Variants in DLG2 observed in about 807,000 individuals in gnomAD.
DLG2 encodes the protein disks large homolog 2.
DLG2 carries 45 observed loss-of-function variants against 132.5 expected under a neutral mutation model. The ratio of observed to expected loss-of-function variants is 0.34; its 90% CI spans 0.27 to 0.44. The LOEUF is 0.44. Ranked by LOEUF, DLG2 falls within the 20% of genes least tolerant of loss-of-function variation. DLG2 has a pLI of 1.00. For missense variants in DLG2, 1,045 were observed against 1,196.9 expected (o/e 0.87, Z 1.87); for synonymous variants, 424 against 419.6 (o/e 1.01, Z -0.13).
chr11:84,172,142 A>C (rs2095839321), intron 8 of DLG2, among the ~76,000 whole-genome samples: 1 of 152,204 alleles, frequency 6.6e-6, no homozygotes. Context: ...TAGTAAGCAA[A>C]AGATTTTCTG....
At chr11:85,548,439 G>A (rs1294210585) in intron 3 of DLG2, among the ~76,000 whole-genome samples, 19 of 152,194 alleles carry the variant, frequency 1.2e-4, no homozygotes, top group Non-Finnish European at 2.6e-4. Context: ...CTACTGGGAG[G>A]TGTCTCCCAG....
At chr11:84,602,183 T>C (rs185472696) in intron 6 of DLG2, among the ~76,000 whole-genome samples, 30 of 152,094 alleles carry the variant, frequency 2.0e-4, no homozygotes, top group Admixed American at 9.8e-4. Context: ...CAAATCTTAA[T>C]ATTTTCCTAG....
Position 84,810,782 on chromosome 11 carries a change from C to T in DLG2, c.358-276051G>A, listed in dbSNP as rs1289114295. Reference sequence around the variant, plus strand: ...AATAAAAAGTAACAGACTACTGATACACATATCTTAAATGAAATTCCAAAA... The same window carrying T: ...AATAAAAAGTAACAGACTACTGATATACATATCTTAAATGAAATTCCAAAA... On this transcript the variant is annotated intron_variant, in intron 6 of 27. Coordinates refer to ENST00000376104, the MANE Select transcript of DLG2 (RefSeq NM_001142699.3). 3.3e-5 allele frequency among the ~76,000 whole-genome samples: 5 copies of T among 152,072 alleles called. No homozygotes were observed. The South Asian group carries it at 6.2e-4, about 19-fold the overall frequency.
intron 18 of DLG2, among the ~76,000 whole-genome samples, chr11:83,717,333 G>T (rs1375376805): frequency 2.6e-5 from 4 of 152,030 alleles, no homozygotes; most frequent in Non-Finnish European, 1.5e-5. Flanking sequence ...TAACAGCAGG[G>T]AACCCATTTA....
Position 83,457,583 on chromosome 11 carries a change from T to C in DLG2, c.*2235A>G, listed in dbSNP as rs184860788. 6.5e-6 allele frequency: 1 copy of C among 152,674 alleles called. No individual in the cohort carries two copies. Among genetic ancestry groups the C allele is most frequent in the East Asian group, 1.9e-4 (1 of 5,182 alleles). The allele number at this position is 152,674 out of a possible 1,614,324, so 9.5% of individuals were successfully genotyped here. On this transcript the variant is annotated 3_prime_UTR_variant, in exon 28 of 28. Transcript: ENST00000376104. The stretch of plus-strand genomic sequence containing the variant: ...GCAACACTAGTAAATGGAAAGCACA[T>C]CACACGACCCGCGAAAACATCTACT...
intron 5 of DLG2, among the ~76,000 whole-genome samples, chr11:85,126,960 G>A (rs888689951): frequency 6.6e-6 from 1 of 152,128 alleles, no homozygotes; most frequent in Non-Finnish European, 1.5e-5. Flanking sequence ...GTATAAGAAT[G>A]GGCAACACAG....
At chr11:84,783,305 A>G (rs768388496) in intron 6 of DLG2, among the ~76,000 whole-genome samples, 28 of 152,132 alleles carry the variant, frequency 1.8e-4, no homozygotes, top group Non-Finnish European at 3.7e-4. Flanking sequence ...ACTTAAATAA[A>G]GTATTTGTTC....
intron 21 of DLG2, among the ~76,000 whole-genome samples, chr11:83,514,232 AG>A (rs2095191295): frequency 6.6e-6 from 1 of 152,210 alleles, no homozygotes; most frequent in South Asian, 2.1e-4. Flanking sequence ...TTCTCCTTGA[AG>A]AAATCCTTCA....
intron 17 of DLG2, chr11:83,790,094 A>G (rs1938822384): frequency 2.0e-6 from 2 of 997,022 alleles, no homozygotes; most frequent in Non-Finnish European, 3.0e-6. Flanking sequence ...GTGTACCTGC[A>G]TGAACCGAGA....
intron 6 of DLG2, among the ~76,000 whole-genome samples, chr11:84,643,129 T>A (rs775073385): frequency 2.6e-5 from 4 of 152,222 alleles, no homozygotes; most frequent in Non-Finnish European, 5.9e-5. Flanking sequence ...AGGTAGATGC[T>A]CTGTGTGTCT....
intron 3 of DLG2, among the ~76,000 whole-genome samples, chr11:85,305,410 A>G (rs1160374513): frequency 6.6e-6 from 1 of 152,342 alleles, no homozygotes. Context: ...AACAGTAAAC[A>G]CAAGCGCAAC....
chr11:85,179,247 G>GGA (rs1165729998), intron 4 of DLG2, among the ~76,000 whole-genome samples: 3 of 151,670 alleles, frequency 2.0e-5, no homozygotes, highest in African/African-American at 7.3e-5. Context: ...CATGCAAAAG[G>GGA]GAGAGTGCAA....
chr11:84,338,369 C>G (rs2098497832), intron 7 of DLG2, among the ~76,000 whole-genome samples: 1 of 152,152 alleles, frequency 6.6e-6, no homozygotes, highest in Admixed American at 6.5e-5. Context: ...GGATCTAAAA[C>G]TTAGCTTAAT....
At chr11:84,112,287 C>T (rs188241673) in intron 9 of DLG2, among the ~76,000 whole-genome samples, 7 of 150,996 alleles carry the variant, frequency 4.6e-5, no homozygotes, top group African/African-American at 4.9e-5. Flanking sequence ...CATGAGCCAC[C>T]GCATCCGGCC....
Position 85,356,074 on chromosome 11 carries a change from C to T in DLG2, c.41-70709G>A, listed in dbSNP as rs1264182759. Among the ~76,000 whole-genome samples, 5 of 152,132 alleles carry T rather than the reference C, an allele frequency of 3.3e-5. No individual in the cohort carries two copies. In the East Asian group the frequency reaches 9.6e-4, roughly 29 times the overall value. ...TCTCATTTTAAACTGCCTGAACTAT[C>T]CATTTAATCAGATTAAAGCCAATTT... On this transcript the variant is annotated intron_variant, in intron 3 of 27. Coordinates refer to ENST00000376104, the MANE Select transcript of DLG2 (RefSeq NM_001142699.3).
At chr11:84,866,414 T>C (rs1464035039) in intron 6 of DLG2, among the ~76,000 whole-genome samples, 3 of 152,206 alleles carry the variant, frequency 2.0e-5, no homozygotes, top group Non-Finnish European at 4.4e-5. Context: ...ACTTGGAAGT[T>C]ATCATTGGTA....
At chr11:85,427,538 T>C (rs1281708854) in intron 3 of DLG2, among the ~76,000 whole-genome samples, 2 of 152,088 alleles carry the variant, frequency 1.3e-5, no homozygotes, top group African/African-American at 4.8e-5. Flanking sequence ...GCTTCATAAG[T>C]GAAGGAGAAA....
chr11:85,254,727 G>A (rs112620971), intron 4 of DLG2, among the ~76,000 whole-genome samples: 2,481 of 152,210 alleles, frequency 0.016, 35 homozygotes, highest in Non-Finnish European at 0.023. Flanking sequence ...TAGGCTGGGC[G>A]TGGTGGCTCA....
At chr11:84,765,086 T>G (rs1441266680) in intron 6 of DLG2, among the ~76,000 whole-genome samples, 1 of 152,138 alleles carries the variant, frequency 6.6e-6, no homozygotes, top group Non-Finnish European at 1.5e-5. Context: ...TATATTACCT[T>G]TTAGTATAAA....
Sources: allele counts gnomAD v4.1 joint callset (sites outside exome capture counted in the v4.1 genomes callset), GRCh38; gene constraint gnomAD v4.1.1; transcripts MANE v1.5; gene names NCBI Gene and HGNC (gene_info 2026-07-23, HGNC 2026-07-21).